Variants in HSD17B3 observed in about 807,000 individuals in gnomAD.
The protein encoded by HSD17B3 is 17-beta-hydroxysteroid dehydrogenase type 3.
A neutral mutation model predicts 41.1 loss-of-function variants in HSD17B3; 29 were observed. The ratio of observed to expected loss-of-function variants is 0.71; its 90% CI spans 0.53 to 0.96. HSD17B3 has a LOEUF of 0.96. HSD17B3 is among the 40% of genes least tolerant of loss of function. The probability of loss-of-function intolerance (pLI) is 0.00; values close to 1 mark genes in which losing one functional copy is unlikely to be tolerated. For missense variants in HSD17B3, 323 were observed against 374.6 expected (o/e 0.86, Z 1.14); for synonymous variants, 126 against 145.6 (o/e 0.87, Z 0.97).
intron 5 of HSD17B3, chr9:96,250,625 GC>G (rs1158236957): frequency 3.6e-6 from 1 of 280,032 alleles, no homozygotes; most frequent in Non-Finnish European, 5.7e-6. Flanking sequence ...AGTGGTTCAC[GC>G]CTGTCATCCC....
At chr9:96,297,538 G>A (rs1282425660) in intron 2 of HSD17B3, among the ~76,000 whole-genome samples, 1 of 151,882 alleles carries the variant, frequency 6.6e-6, no homozygotes, top group Non-Finnish European at 1.5e-5. Context: ...GTAGAGATGA[G>A]GTTTCACCAT....
chr9:96,293,422 T>C (rs571962840), intron 2 of HSD17B3, among the ~76,000 whole-genome samples: 5 of 151,698 alleles, frequency 3.3e-5, no homozygotes, highest in African/African-American at 1.2e-4. Flanking sequence ...CTTTGCCTCT[T>C]CTTGGGTCTC....
intron 2 of HSD17B3, among the ~76,000 whole-genome samples, chr9:96,283,410 A>G (rs910800920): frequency 6.6e-6 from 1 of 152,232 alleles, no homozygotes; most frequent in African/African-American, 2.4e-5. Context: ...ACTGATGAAG[A>G]TTAAATATAT....
intron 2 of HSD17B3, among the ~76,000 whole-genome samples, chr9:96,283,873 T>G (rs1325042742): frequency 6.6e-6 from 1 of 152,034 alleles, no homozygotes; most frequent in Non-Finnish European, 1.5e-5. Flanking sequence ...CGTGAAGAGC[T>G]GAAATGTTCA....
chr9:96,291,732 G>A (rs972748370), intron 2 of HSD17B3, among the ~76,000 whole-genome samples: 4 of 152,160 alleles, frequency 2.6e-5, no homozygotes, highest in African/African-American at 7.2e-5. Flanking sequence ...CACAGCAAGC[G>A]GATCACTTGA....
chr9:96,245,397 G>A lies in HSD17B3; in HGVS notation c.554C>T (p.Ser185Phe). The change falls in exon 8 of 11, where the codon TCT (serine) becomes TTT (phenylalanine). Residue 185 changes from serine to phenylalanine, a missense_variant. Ser to Phe is a radical substitution (Grantham distance 155, BLOSUM62 -2). Transcript: ENST00000375263. ...AGGCCAAGGAAACAGGGCTATCCCAGAAGAAATGTTCAGGATGAGACCTTT... is the reference window on the plus strand; with the variant it reads ...AGGCCAAGGAAACAGGGCTATCCCAAAAGAAATGTTCAGGATGAGACCTTT... ...RQKGLILNIS[S>F]GIALFPWPLY... is the part of the protein sequence containing the mutation. 6.2e-7 allele frequency: 1 copy of A among 1,614,144 alleles called. No individual in the cohort carries two copies. Among genetic ancestry groups the A allele is most frequent in the Non-Finnish European group, 8.5e-7 (1 of 1,179,968 alleles).
chr9:96,298,771 G>A (rs1564067464), intron 1 of HSD17B3, among the ~76,000 whole-genome samples: 1 of 152,088 alleles, frequency 6.6e-6, no homozygotes, highest in Admixed American at 6.6e-5. Context: ...CGCAGCCAGG[G>A]AACATTTCCT....
intron 9 of HSD17B3, among the ~76,000 whole-genome samples, chr9:96,242,170 T>A (rs1836484800): frequency 6.6e-6 from 1 of 152,186 alleles, no homozygotes; most frequent in Non-Finnish European, 1.5e-5. Flanking sequence ...TAAAGCATGA[T>A]TAATTTGTAT....
intron 10 of HSD17B3, among the ~76,000 whole-genome samples, chr9:96,240,079 G>A (rs1836375195): frequency 1.3e-5 from 2 of 152,016 alleles, no homozygotes; most frequent in African/African-American, 2.4e-5. Flanking sequence ...TCGGGGGGTG[G>A]GGGGCAAGGG....
intron 2 of HSD17B3, among the ~76,000 whole-genome samples, chr9:96,272,446 T>TATATAA (rs34436322): frequency 1.0e-3 from 88 of 85,732 alleles, no homozygotes; most frequent in East Asian, 3.3e-3. Flanking sequence ...TATATATATA[T>TATATAA]AAAATATATA....
At chr9:96,251,128 C>A in intron 5 of HSD17B3, 1 of 459,378 alleles carries the variant, frequency 2.2e-6, no homozygotes. Context: ...CAGAATTACC[C>A]TTTATAAAGT....
At chr9:96,247,859 G>T (rs1836734566) in intron 6 of HSD17B3, among the ~76,000 whole-genome samples, 2 of 151,996 alleles carry the variant, frequency 1.3e-5, no homozygotes, top group African/African-American at 4.8e-5. Context: ...TCCCATCCCT[G>T]CCCCGAAAGA....
At chr9:96,278,296 G>T (rs1826554091) in intron 2 of HSD17B3, among the ~76,000 whole-genome samples, 1 of 152,086 alleles carries the variant, frequency 6.6e-6, no homozygotes, top group Non-Finnish European at 1.5e-5. Flanking sequence ...TCATGGTAAT[G>T]ATATGAAATA....
intron 10 of HSD17B3, among the ~76,000 whole-genome samples, chr9:96,238,866 C>G (rs1208680619): frequency 2.0e-5 from 3 of 152,158 alleles, no homozygotes; most frequent in Non-Finnish European, 2.9e-5. Context: ...GGGGCCATGG[C>G]CCCCACTCCT....
chr9:96,247,786 G>A lies in HSD17B3; in HGVS notation c.490-1196C>T, dbSNP rs754127928. ...ACAACACTGAATCTCGTGGGTCCCC[G>A]CCTCAAGGCTTCCAATGTTCAGTTT... On this transcript the variant is annotated intron_variant, in intron 6 of 10. Transcript: ENST00000375263. 1.5e-4 allele frequency among the ~76,000 whole-genome samples: 23 copies of A among 152,234 alleles called. No homozygotes were observed. In the Middle Eastern group the frequency reaches 0.01, roughly 68 times the overall value.
intron 2 of HSD17B3, chr9:96,256,197 C>T (rs1421924354): frequency 1.3e-5 from 2 of 152,196 alleles, no homozygotes; most frequent in Non-Finnish European, 2.9e-5. Flanking sequence ...ATACACATAA[C>T]AAAATCTACC....
intron 2 of HSD17B3, among the ~76,000 whole-genome samples, chr9:96,287,492 C>A (rs570636452): frequency 5.3e-5 from 8 of 152,120 alleles, no homozygotes; most frequent in Non-Finnish European, 1.2e-4. Context: ...AGGCGGATCA[C>A]GAGGTCAGGA....
intron 2 of HSD17B3, among the ~76,000 whole-genome samples, chr9:96,295,680 C>T (rs764572667): frequency 5.9e-5 from 9 of 152,146 alleles, no homozygotes; most frequent in Non-Finnish European, 1.3e-4. Flanking sequence ...TGTTAACATA[C>T]GCCAAGTTTC....
chr9:96,281,090 G>A (rs1199625919), intron 2 of HSD17B3, among the ~76,000 whole-genome samples: 1 of 152,020 alleles, frequency 6.6e-6, no homozygotes, highest in African/African-American at 2.4e-5. Context: ...GACTCACCCT[G>A]AATTCTTTCC....
Sources: gnomAD v4.1 joint callset for allele counts (sites outside exome capture counted in the v4.1 genomes callset) on GRCh38, gnomAD v4.1.1 for gene constraint, MANE v1.5 for transcripts, NCBI Gene and HGNC (gene_info 2026-07-23, HGNC 2026-07-21) for gene names.